GPC5: variants seen among roughly 807,000 people sequenced by gnomAD.
GPC5 encodes glypican-5.
A neutral mutation model predicts 53.9 loss-of-function variants in GPC5; 47 were observed. That is an observed-to-expected ratio of 0.87 (90% CI 0.69 to 1.11). The LOEUF is 1.11. Among genes scored for constraint, GPC5 ranks in the 50% most tolerant of loss-of-function variants. The probability of loss-of-function intolerance (pLI) is 0.00; values close to 1 mark genes in which losing one functional copy is unlikely to be tolerated. For synonymous variants in GPC5, 286 were observed against 263.3 expected (o/e 1.09, Z -0.84); for missense variants, 748 against 713.1 (o/e 1.05, Z -0.56).
chr13:92,626,690 T>C (rs1885057084), intron 7 of GPC5, among the ~76,000 whole-genome samples: 1 of 152,168 alleles, frequency 6.6e-6, no homozygotes. Flanking sequence ...GACAAGAACT[T>C]AGAAGTTCTG....
At chr13:92,148,150 A>T (rs1392185718) in intron 7 of GPC5, among the ~76,000 whole-genome samples, 1 of 152,094 alleles carries the variant, frequency 6.6e-6, no homozygotes, top group Non-Finnish European at 1.5e-5. Context: ...ATATGTGTAT[A>T]TATCTACATA....
intron 6 of GPC5, among the ~76,000 whole-genome samples, chr13:92,067,994 G>T (rs1314939810): frequency 3.9e-5 from 6 of 151,956 alleles, no homozygotes; most frequent in Admixed American, 2.6e-4. Context: ...AAGGGAAAGG[G>T]AGAGAGGGAG....
chr13:91,995,689 C>G (rs1594712909), intron 6 of GPC5: 1 of 152,080 alleles, frequency 6.6e-6, no homozygotes, highest in Admixed American at 6.6e-5. Context: ...CATGTTGTTT[C>G]TCTAAACAAC....
intron 7 of GPC5, among the ~76,000 whole-genome samples, chr13:92,656,908 C>T (rs1472841619): frequency 6.6e-6 from 1 of 152,170 alleles, no homozygotes; most frequent in Non-Finnish European, 1.5e-5. Flanking sequence ...GTGAGCAACG[C>T]TGCGATGAGC....
chr13:92,017,652 A>G (rs1202042328), intron 6 of GPC5, among the ~76,000 whole-genome samples: 3 of 152,178 alleles, frequency 2.0e-5, no homozygotes, highest in Non-Finnish European at 1.5e-5. Context: ...AGTGGATGGC[A>G]TATAATCAGT....
chr13:92,317,240 G>A (rs2043185286), intron 7 of GPC5, among the ~76,000 whole-genome samples: 1 of 152,114 alleles, frequency 6.6e-6, no homozygotes, highest in African/African-American at 2.4e-5. Context: ...GTGTGCCTTT[G>A]ACATCAGACC....
chr13:91,952,629 C>T (rs1198220077), intron 6 of GPC5, among the ~76,000 whole-genome samples: 2 of 152,040 alleles, frequency 1.3e-5, no homozygotes, highest in Non-Finnish European at 2.9e-5. Flanking sequence ...AGAGTATATG[C>T]TTGAGAAGTG....
intron 7 of GPC5, among the ~76,000 whole-genome samples, chr13:92,249,338 A>G (rs975309057): frequency 1.3e-5 from 2 of 152,110 alleles, no homozygotes; most frequent in African/African-American, 4.8e-5. Context: ...ATTTTGGTAA[A>G]TATGATACTT....
chr13:91,998,170 T>A (rs1307196330), intron 6 of GPC5, among the ~76,000 whole-genome samples: 1 of 152,324 alleles, frequency 6.6e-6, no homozygotes, highest in East Asian at 1.9e-4. Flanking sequence ...ACACTTCACT[T>A]ACTGCCCGTG....
intron 4 of GPC5, among the ~76,000 whole-genome samples, chr13:91,748,774 G>T (rs2037106199): frequency 6.6e-6 from 1 of 152,154 alleles, no homozygotes; most frequent in Admixed American, 6.5e-5. Flanking sequence ...GAGGATGTGA[G>T]GTTTAAGCAG....
chr13:91,398,687 A>G lies in GPC5; in HGVS notation c.-360A>G, dbSNP rs1242730087. On this transcript the variant is annotated 5_prime_UTR_variant, in exon 1 of 8. Transcript: ENST00000377067. Reference sequence around the variant, plus strand: ...CGGCGGCGGCGGCGGCAGTGGCGGCAGTGGCGGCAGTGGCGGCAGCGGCAG... The same window carrying G: ...CGGCGGCGGCGGCGGCAGTGGCGGCGGTGGCGGCAGTGGCGGCAGCGGCAG... 169 of 226,632 alleles carry G rather than the reference A, an allele frequency of 7.5e-4. No individual in the cohort carries two copies. The highest frequency in any genetic ancestry group is 3.7e-3 in the African/African-American group (163 of 43,516). The allele number at this position is 226,632 out of a possible 1,614,324, so 14.0% of individuals were successfully genotyped here.
At chr13:92,849,872 G>T (rs918842257) in intron 7 of GPC5, among the ~76,000 whole-genome samples, 1 of 152,100 alleles carries the variant, frequency 6.6e-6, no homozygotes, top group Non-Finnish European at 1.5e-5. Context: ...TCATATCAAG[G>T]ATGATCATCA....
chr13:91,777,438 T>C (rs2037728167), intron 5 of GPC5, among the ~76,000 whole-genome samples: 1 of 152,226 alleles, frequency 6.6e-6, no homozygotes, highest in Admixed American at 6.5e-5. Flanking sequence ...TGGTTAGAGC[T>C]ATTTAATGTG....
At chr13:91,809,208 G>A (rs1291096012) in intron 5 of GPC5, among the ~76,000 whole-genome samples, 2 of 152,020 alleles carry the variant, frequency 1.3e-5, no homozygotes, top group African/African-American at 4.8e-5. Context: ...TGGATAATTA[G>A]TGGACAGTTT....
rs1163855477 is a variant in GPC5, at chr13:91,833,701, C to G, written c.1281-74236C>G. On this transcript the variant is annotated intron_variant, in intron 5 of 7. Coordinates refer to ENST00000377067, the MANE Select transcript of GPC5 (RefSeq NM_004466.6). The stretch of plus-strand genomic sequence containing the variant: ...CGACAAAATTCAATACCCCTTCATG[C>G]TAAAAACTCTCTCAATAAACTAGGT... 2.6e-5 allele frequency among the ~76,000 whole-genome samples: 4 copies of G among 152,218 alleles called. No homozygotes were observed. In the South Asian group the frequency reaches 8.3e-4, roughly 32 times the overall value.
At chr13:91,543,417 T>C (rs983990016) in intron 2 of GPC5, among the ~76,000 whole-genome samples, 1 of 152,228 alleles carries the variant, frequency 6.6e-6, no homozygotes, top group East Asian at 1.9e-4. Context: ...GAATTTTACA[T>C]GTCTTTTAAG....
chr13:92,858,173 CCT>C (rs1879065521), intron 7 of GPC5, among the ~76,000 whole-genome samples: 2 of 152,100 alleles, frequency 1.3e-5, no homozygotes, highest in Non-Finnish European at 2.9e-5. Flanking sequence ...CCATAATTCC[CCT>C]GTGTCATGGG....
intron 7 of GPC5, among the ~76,000 whole-genome samples, chr13:92,777,004 C>CAG (rs1224853517): frequency 9.9e-6 from 1 of 101,024 alleles, no homozygotes; most frequent in African/African-American, 4.0e-5. Flanking sequence ...GTCTGGGCAA[C>CAG]AGAGAGAGAC....
At chr13:91,539,887 C>T (rs1439208023) in intron 2 of GPC5, among the ~76,000 whole-genome samples, 1 of 151,670 alleles carries the variant, frequency 6.6e-6, no homozygotes, top group African/African-American at 2.4e-5. Flanking sequence ...AAAAACCTGA[C>T]AAGTTGGTGA....
Sources: allele counts gnomAD v4.1 joint callset (sites outside exome capture counted in the v4.1 genomes callset), GRCh38; gene constraint gnomAD v4.1.1; transcripts MANE v1.5; gene names NCBI Gene and HGNC (gene_info 2026-07-23, HGNC 2026-07-21).